The following EPHA2 variants were observed in gnomAD, a reference collection of about 807,000 sequenced individuals.
EPHA2 encodes ephrin type-A receptor 2.
EPHA2 carries 54 observed loss-of-function variants against 104.9 expected under a neutral mutation model. The ratio of observed to expected loss-of-function variants is 0.51; its 90% CI spans 0.41 to 0.65. The LOEUF (loss-of-function observed/expected upper bound fraction) is 0.65. Among genes scored for constraint, EPHA2 ranks in the 30% least tolerant of loss-of-function variants. EPHA2 has a pLI of 0.00. For missense variants in EPHA2, 1,117 were observed against 1,369.5 expected (o/e 0.82, Z 2.91); for synonymous variants, 560 against 559.1 (o/e 1.00, Z -0.02).
Position 16,129,577 on chromosome 1 carries a change from C to A in EPHA2, c.2682G>T (p.Arg894=), listed in dbSNP as rs747921529. 6.2e-7 allele frequency: 1 copy of A among 1,611,238 alleles called. No homozygotes were observed. The change falls in exon 16 of 17, where the codon CGG becomes CGT. Residue 894 remains arginine (R), a synonymous_variant. Transcript: ENST00000358432. The stretch of plus-strand genomic sequence containing the variant: ...CCTCCGAGCCGCTCGTGCTGGGGAG[C>A]CGGATAGACACGCTGCAACAGGAAG... The part of the protein sequence containing the change: ...LADFDPRVSI[R]LPSTSGSEGV...
In EPHA2 at chr1:16,135,308, G is replaced by A. The variant is rs1481363663; in HGVS notation, c.1429-119C>T. 8 of 1,353,508 alleles carry A rather than the reference G, an allele frequency of 5.9e-6. No homozygotes were observed. Among genetic ancestry groups the A allele is most frequent in the Non-Finnish European group, 8.3e-6 (8 of 961,592 alleles). The allele number at this position is 1,353,508 out of a possible 1,614,324, so 83.8% of individuals were successfully genotyped here. On this transcript the variant is annotated intron_variant, in intron 6 of 16. Transcript: ENST00000358432. This position sits in a 1 kb window ranked among gnomAD's most constrained non-coding sequence, Gnocchi z 4.3. ...GCTTGCCTTTGTTAGCAAACTTGAG[G>A]CTCTTCTTACAGAGGAGGAAACTGA...
chr1:16,147,054 A>G (rs961653323), intron 3 of EPHA2, among the ~76,000 whole-genome samples: 1 of 152,248 alleles, frequency 6.6e-6, no homozygotes. Context: ...CCTGCATTCC[A>G]CAAATGCTCT....
Position 16,134,995 on chromosome 1 carries a change from T to C in EPHA2, c.1582+41A>G, listed in dbSNP as rs1240805634. The C allele has an allele frequency of 6.2e-7, 1 of 1,607,824 alleles. No homozygotes were observed. The highest frequency in any genetic ancestry group is 8.5e-7 in the Non-Finnish European group (1 of 1,179,794). ...CCAAGATGTCTCAATTGCTTGGTTC[T>C]GGGCCCTGGCCTGGTCCATGCCCAG... On this transcript the variant is annotated intron_variant, in intron 7 of 16. Coordinates refer to ENST00000358432, the MANE Select transcript of EPHA2 (RefSeq NM_004431.5). This position sits in a 1 kb window ranked among gnomAD's most constrained non-coding sequence, Gnocchi z 4.5.
rs1058372 is a variant in EPHA2, at chr1:16,148,904, C to T, written c.297G>A (p.Lys99=). Residue 99 remains lysine, a synonymous_variant, in exon 3 of 17, where the codon AAG becomes AAA. Transcript: ENST00000358432. The surrounding 1 kb of genome is among the most constrained non-coding windows in gnomAD (Gnocchi z 4.9). The part of the protein sequence containing the change: ...GEAERIFIEL[K]FTVRDCNSFP... ...AGCTGTTGCAGTCACGTACAGTAAA[C>T]TTGAGCTCAATGAAGATACGCTCAG... 6.2e-7 allele frequency: 1 copy of T among 1,614,158 alleles called. No homozygotes were observed. Among genetic ancestry groups the T allele is most frequent in the East Asian group, 2.2e-5 (1 of 44,890 alleles).
chr1:16,132,358 C>G lies in EPHA2; in HGVS notation c.2115+20G>C, dbSNP rs756119956. The G allele has an allele frequency of 4.9e-5, 79 of 1,614,062 alleles. No individual in the cohort carries two copies. The highest frequency in any genetic ancestry group is 6.6e-5 in the Non-Finnish European group (78 of 1,180,028). On this transcript the variant is annotated intron_variant, in intron 12 of 16. Coordinates refer to ENST00000358432, the MANE Select transcript of EPHA2 (RefSeq NM_004431.5). ...GCTCAATGGCCAGGCATCCCCGCCC[C>G]CTACAACCCACATCCTTACCCGAAG...
chr1:16,153,176 C>A, intron 1 of EPHA2: 1 of 985,414 alleles, frequency 1.0e-6, no homozygotes, highest in Non-Finnish European at 1.2e-6. Flanking sequence ...ATGAGTTCCA[C>A]CGTAAGTGCC....
At position 16,155,962 on chromosome 1, in the gene EPHA2, C is replaced by A; in HGVS notation, c.-30G>T. 6.8e-7 allele frequency: 1 copy of A among 1,472,238 alleles called. No individual in the cohort carries two copies. Among genetic ancestry groups the A allele is most frequent in the Non-Finnish European group, 8.9e-7 (1 of 1,117,674 alleles). The allele number at this position is 1,472,238 out of a possible 1,614,324, so 91.2% of individuals were successfully genotyped here. ...CGCTTCTCGCTCTCGGTCCGATCCCCCCGAGCCCGGCTCCCGCACACCCGC... is the reference window on the plus strand; with the variant it reads ...CGCTTCTCGCTCTCGGTCCGATCCCACCGAGCCCGGCTCCCGCACACCCGC... On this transcript the variant is annotated 5_prime_UTR_variant, in exon 1 of 17. Transcript: ENST00000358432.
chr1:16,136,619 CA>C lies in EPHA2; in HGVS notation c.1313-850del, dbSNP rs199911531. ...GGGCAACAAGAGCAAAACTCCGTCT[CA>C]AAAAAAAAGAAGAAGAAGAAGACAG... is the stretch of plus-strand genomic sequence containing the variant. On this transcript the variant is annotated intron_variant, in intron 5 of 16. Transcript: ENST00000358432. 2.0e-3 allele frequency among the ~76,000 whole-genome samples: 224 copies of C among 110,630 alleles called. 1 individual carries two copies. The highest frequency in any genetic ancestry group is 5.1e-3 in the African/African-American group (150 of 29,396). 72.6% of individuals were successfully genotyped at this position (110,630 alleles called of 152,430 possible). A position where few individuals can be genotyped will look rare whatever the true frequency, so the allele number is the denominator to read the frequency against.
At chr1:16,141,847 C>T (rs979603027) in intron 3 of EPHA2, among the ~76,000 whole-genome samples, 1 of 152,232 alleles carries the variant, frequency 6.6e-6, no homozygotes, top group Non-Finnish European at 1.5e-5. Flanking sequence ...AGCAGAGAGG[C>T]AGCGTCAACA....
intron 3 of EPHA2, among the ~76,000 whole-genome samples, chr1:16,144,660 T>C (rs1417804544): frequency 6.6e-6 from 1 of 152,188 alleles, no homozygotes; most frequent in Non-Finnish European, 1.5e-5. Context: ...GATCACCAGG[T>C]TGACAGCGTC....
rs191841935 is a variant in EPHA2 at position 16,134,673 on chromosome 1, C to A, written c.1583-106G>T. 8.0e-7 allele frequency: 1 copy of A among 1,245,290 alleles called. No individual in the cohort carries two copies. The highest frequency in any genetic ancestry group is 2.5e-5 in the East Asian group (1 of 39,708). 77.1% of individuals were successfully genotyped at this position (1,245,290 alleles called of 1,614,324 possible). A position where few individuals can be genotyped will look rare whatever the true frequency, so the allele number is the denominator to read the frequency against. On this transcript the variant is annotated intron_variant, in intron 7 of 16. Coordinates refer to ENST00000358432, the MANE Select transcript of EPHA2 (RefSeq NM_004431.5). This position sits in a 1 kb window ranked among gnomAD's most constrained non-coding sequence, Gnocchi z 4.5. ...GCCCCTACTGTGTGCTGGGTGCTTGCACTTGGGAAGGCTCCAGAGGGTACT... is the reference window on the plus strand; with the variant it reads ...GCCCCTACTGTGTGCTGGGTGCTTGAACTTGGGAAGGCTCCAGAGGGTACT...
At chr1:16,136,713 A>AAAGATGAAG (rs1553135585) in intron 5 of EPHA2, among the ~76,000 whole-genome samples, 2 of 102,734 alleles carry the variant, frequency 1.9e-5, no homozygotes, top group Admixed American at 9.2e-5. Flanking sequence ...AAGAAGAAGA[A>AAAGATGAAG]AAGAAGAAGA....
chr1:16,143,503 A>T (rs2024867309), intron 3 of EPHA2, among the ~76,000 whole-genome samples: 1 of 151,998 alleles, frequency 6.6e-6, no homozygotes, highest in Non-Finnish European at 1.5e-5. Context: ...CGAGCAGGGG[A>T]ACTGGGGCAC....
chr1:16,149,569 T>C (rs1275737800), intron 2 of EPHA2, among the ~76,000 whole-genome samples: 1 of 152,198 alleles, frequency 6.6e-6, no homozygotes, highest in Admixed American at 6.5e-5. Context: ...ATGCTCTCCG[T>C]CATTTAGAAT....
rs781013206 is a variant in EPHA2, at chr1:16,137,981, G to A, written c.1184C>T (p.Thr395Ile). The part of the protein sequence containing the change: ...YSEPPHGLTR[T>I]SVTVSDLEPH... ...CTCCAGGTCGCTCACTGTCACACTG[G>A]TGCGGGTCAGTCCGTGAGGAGGCTC... Residue 395 changes from threonine (T) to isoleucine (I), a missense_variant, in exon 5 of 17, where the codon ACC becomes ATC. By Grantham distance (89) the Thr-to-Ile change is moderately conservative. Transcript: ENST00000358432. 2 of 1,614,162 alleles carry A rather than the reference G, an allele frequency of 1.2e-6. No homozygotes were observed. Among genetic ancestry groups the A allele is most frequent in the Admixed American group, 3.3e-5 (2 of 60,034 alleles).
In EPHA2 at chr1:16,130,139, T is replaced by C; in HGVS notation, c.2669+87A>G. 1.3e-6 allele frequency: 2 copies of C among 1,575,766 alleles called. No homozygotes were observed. The highest frequency in any genetic ancestry group is 1.7e-6 in the Non-Finnish European group (2 of 1,147,460). ...GCCCCCAGCACCCCCCCTACCAGCTTCACCTGGGTGGCCACTCTACCGAAG... is the reference window on the plus strand; with the variant it reads ...GCCCCCAGCACCCCCCCTACCAGCTCCACCTGGGTGGCCACTCTACCGAAG... On this transcript the variant is annotated intron_variant, in intron 15 of 16. Coordinates refer to ENST00000358432, the MANE Select transcript of EPHA2 (RefSeq NM_004431.5). This position sits in a 1 kb window ranked among gnomAD's most constrained non-coding sequence, Gnocchi z 4.5.
intron 3 of EPHA2, among the ~76,000 whole-genome samples, chr1:16,141,211 C>T (rs903391473): frequency 3.3e-5 from 5 of 152,192 alleles, no homozygotes; most frequent in African/African-American, 1.2e-4. Context: ...GGGTATTCCC[C>T]ACCACAGATC....
At chr1:16,144,280 C>T (rs2024886719) in intron 3 of EPHA2, among the ~76,000 whole-genome samples, 2 of 152,084 alleles carry the variant, frequency 1.3e-5, no homozygotes, top group South Asian at 4.1e-4. Context: ...GTGCTGCCAC[C>T]GTGGTCCCAC....
At chr1:16,133,979 G>C in intron 8 of EPHA2, 64 bp from the exon 9 acceptor site, 1 of 1,505,884 alleles carries the variant, frequency 6.6e-7, no homozygotes, top group Non-Finnish European at 9.0e-7. Context: ...GGCCAGGGAA[G>C]CCTCCTGGCC....
Sources: gnomAD v4.1 joint callset for allele counts (sites outside exome capture counted in the v4.1 genomes callset) on GRCh38, gnomAD v4.1.1 for gene constraint, Gnocchi (gnomAD v3.1) non-coding constraint, MANE v1.5 for transcripts, NCBI Gene and HGNC (gene_info 2026-07-23, HGNC 2026-07-21) for gene names.